Variants in TRIM60 observed in about 807,000 individuals in gnomAD.
TRIM60 encodes tripartite motif-containing protein 60.
For synonymous variants in TRIM60, 189 were observed against 195.2 expected, an observed-to-expected ratio of 0.97 and a Z score of 0.27; for missense variants, 524 against 540.8, an observed-to-expected ratio of 0.97 and a Z score of 0.31.
At chr4:165,032,360 T>C (rs998642514) in intron 1 of TRIM60, among the ~76,000 whole-genome samples, 1 of 152,240 alleles carries the variant, frequency 6.6e-6, no homozygotes, top group Non-Finnish European at 1.5e-5. Flanking sequence ...GCGATTCTCC[T>C]GTCTCAGCCT....
At chr4:165,040,001 G>T (rs1733714443) in intron 2 of TRIM60, 68 bp from the exon 3 acceptor site, 1 of 1,306,734 alleles carries the variant, frequency 7.7e-7, no homozygotes, top group East Asian at 2.4e-5. Context: ...ACTTCTCACT[G>T]GGTTTGCGCT....
chr4:165,035,279 G>A (rs569315847), intron 1 of TRIM60, among the ~76,000 whole-genome samples: 74 of 152,236 alleles, frequency 4.9e-4, no homozygotes, highest in Middle Eastern at 6.8e-3. Context: ...TGCCCAGACT[G>A]GTCTTGAGTG....
In TRIM60 at chr4:165,041,395, C is replaced by G. The variant is rs772503443; in HGVS notation, c.1323C>G (p.Asn441Lys). Residue 441 changes from asparagine to lysine, a missense_variant, in exon 3 of 3, where the codon AAC becomes AAG. Transcript: ENST00000512596. ...MNDRSILYTFNDCFTEAVWPY... is the reference protein window; with the variant it reads ...MNDRSILYTFKDCFTEAVWPY... ...ATAGGTCTATTCTCTATACTTTTAA[C>G]GATTGTTTCACAGAAGCCGTTTGGC... The G allele has an allele frequency of 9.9e-6, 16 of 1,613,212 alleles. No homozygotes were observed. The highest frequency in any genetic ancestry group is 1.4e-5 in the Non-Finnish European group (16 of 1,179,568).
In TRIM60 at chr4:165,040,873, CTTT is replaced by C. The variant is rs763285806; in HGVS notation, c.803_805del (p.Phe268del). 12 of 1,612,902 alleles carry C rather than the reference CTTT, an allele frequency of 7.4e-6. No individual in the cohort carries two copies. The highest frequency in any genetic ancestry group is 1.0e-5 in the Non-Finnish European group (12 of 1,179,430). ...ATCAAAACCTAAAATGCCCTGAACTCTTTTCATTTAGATTAACAAAATATGGTT... is the reference window on the plus strand; with the variant it reads ...ATCAAAACCTAAAATGCCCTGAACTCTCATTTAGATTAACAAAATATGGTT... On this transcript the variant is annotated inframe_deletion, in exon 3 of 3. Coordinates refer to ENST00000512596, the MANE Select transcript of TRIM60 (RefSeq NM_152620.3).
At chr4:165,040,012 C>T in intron 2 of TRIM60, 57 bp from the exon 3 acceptor site, 3 of 1,443,996 alleles carry the variant, frequency 2.1e-6, no homozygotes, top group Non-Finnish European at 2.9e-6. Flanking sequence ...GGTTTGCGCT[C>T]TACGGAGGCA....
chr4:165,032,334 C>T (rs1330296832), intron 1 of TRIM60, among the ~76,000 whole-genome samples: 1 of 152,188 alleles, frequency 6.6e-6, no homozygotes, highest in African/African-American at 2.4e-5. Flanking sequence ...CTGCAACCTC[C>T]GCCTCCCGGA....
intron 1 of TRIM60, among the ~76,000 whole-genome samples, chr4:165,035,074 CTT>C (rs1182725617): frequency 1.3e-5 from 2 of 152,080 alleles, no homozygotes; most frequent in African/African-American, 2.4e-5. Context: ...GAGGTTATAA[CTT>C]AATTTTTTTG....
Position 165,041,265 on chromosome 4 carries a change from C to A in TRIM60, c.1193C>A (p.Ala398Glu). 6.2e-7 allele frequency: 1 copy of A among 1,614,126 alleles called. No homozygotes were observed. Residue 398 changes from alanine to glutamate, a missense_variant, in exon 3 of 3, where the codon GCG (alanine) becomes GAG (glutamate). Transcript: ENST00000512596. ...CGATACATGAAGAGTGGTTATGTTG[C>A]GTCAGGTCCTAAGACAACCCAGCTT... ...IGRYMKSGYV[A>E]SGPKTTQLLP...
At chr4:165,038,738 T>C (rs1733680578) in intron 1 of TRIM60, among the ~76,000 whole-genome samples, 1 of 151,960 alleles carries the variant, frequency 6.6e-6, no homozygotes. Context: ...TGATTTGGAT[T>C]TCTTCATTGT....
chr4:165,034,231 C>A (rs1733570009), intron 1 of TRIM60, among the ~76,000 whole-genome samples: 1 of 151,732 alleles, frequency 6.6e-6, no homozygotes, highest in South Asian at 2.1e-4. Context: ...CGGCTCACTG[C>A]AACCTCCACC....
intron 1 of TRIM60, among the ~76,000 whole-genome samples, chr4:165,032,992 G>A (rs1733540594): frequency 6.6e-6 from 1 of 150,512 alleles, no homozygotes; most frequent in Non-Finnish European, 1.5e-5. Flanking sequence ...GCTCACGCTC[G>A]TGCCTGGGCA....
At chr4:165,033,899 A>G (rs1024653106) in intron 1 of TRIM60, among the ~76,000 whole-genome samples, 2 of 152,196 alleles carry the variant, frequency 1.3e-5, no homozygotes, top group African/African-American at 4.8e-5. Context: ...CACTTAAGGA[A>G]GTCAGGCCCC....
chr4:165,038,303 A>G (rs1314779784), intron 1 of TRIM60, among the ~76,000 whole-genome samples: 1 of 152,074 alleles, frequency 6.6e-6, no homozygotes, highest in Non-Finnish European at 1.5e-5. Context: ...CATTTTTTCA[A>G]TTTGTCCTAT....
intron 1 of TRIM60, among the ~76,000 whole-genome samples, chr4:165,034,263 C>T (rs1579178072): frequency 6.6e-6 from 1 of 151,922 alleles, no homozygotes; most frequent in South Asian, 2.1e-4. Flanking sequence ...AGCAATTCTC[C>T]TGCCCCAGCC....
Position 165,041,395 on chromosome 4 carries a change from C to A in TRIM60, c.1323C>A (p.Asn441Lys). 1 of 1,613,328 alleles carries A rather than the reference C, an allele frequency of 6.2e-7. No individual in the cohort carries two copies. The highest frequency in any genetic ancestry group is 1.3e-5 in the African/African-American group (1 of 74,944). Residue 441 changes from asparagine (N) to lysine (K), a missense_variant, in exon 3 of 3, where the codon AAC (asparagine) becomes AAA (lysine). Transcript: ENST00000512596. ...MNDRSILYTF[N>K]DCFTEAVWPY... ...ATAGGTCTATTCTCTATACTTTTAA[C>A]GATTGTTTCACAGAAGCCGTTTGGC...
chr4:165,033,396 C>A (rs180836719), intron 1 of TRIM60, among the ~76,000 whole-genome samples: 4 of 152,128 alleles, frequency 2.6e-5, no homozygotes, highest in Admixed American at 2.6e-4. Flanking sequence ...GAATTCAGAC[C>A]GTGAACTGTA....
intron 1 of TRIM60, among the ~76,000 whole-genome samples, chr4:165,035,712 T>C (rs1433402648): frequency 6.6e-6 from 1 of 151,158 alleles, no homozygotes; most frequent in African/African-American, 2.5e-5. Context: ...AGCCACTCTT[T>C]TTTCTTTTTT....
At chr4:165,033,844 A>AG (rs2111206633) in intron 1 of TRIM60, among the ~76,000 whole-genome samples, 1 of 152,274 alleles carries the variant, frequency 6.6e-6, no homozygotes, top group African/African-American at 2.4e-5. Context: ...AAAGTGGGAA[A>AG]GGGGTGGTTG....
intron 1 of TRIM60, among the ~76,000 whole-genome samples, chr4:165,036,234 A>ATTTT (rs60349844): frequency 0.052 from 7,798 of 151,106 alleles, 562 homozygotes; most frequent in African/African-American, 0.16. Context: ...ACATCCTTAC[A>ATTTT]TTTTTTTTTC....
Sources: gnomAD v4.1 joint callset for allele counts (sites outside exome capture counted in the v4.1 genomes callset) on GRCh38, gnomAD v4.1.1 for gene constraint, MANE v1.5 for transcripts, NCBI Gene and HGNC (gene_info 2026-07-23, HGNC 2026-07-21) for gene names.